ZNF728: variants seen among roughly 807,000 people sequenced by gnomAD.
ZNF728 encodes zinc finger protein 728.
In ZNF728, 12 loss-of-function variants were observed where a neutral mutation model predicts 12.5. The ratio of observed to expected loss-of-function variants is 0.96; its 90% confidence interval spans 0.61 to 1.55. ZNF728 has a LOEUF of 1.55. Among genes scored for constraint, ZNF728 ranks in the 40% most tolerant of loss-of-function variants. ZNF728 has a pLI of 0.00. For missense variants in ZNF728, 692 were observed against 719.2 expected (o/e 0.96, Z 0.43); for synonymous variants, 205 against 240.7 (o/e 0.85, Z 1.37).
intron 3 of ZNF728, among the ~76,000 whole-genome samples, chr19:22,978,124 A>G (rs1405586988): frequency 1.3e-5 from 2 of 152,026 alleles, no homozygotes; most frequent in Non-Finnish European, 2.9e-5. Flanking sequence ...GATACACACA[A>G]ATACATTTAT....
At chr19:23,001,768 T>C in intron 1 of ZNF728, among the ~76,000 whole-genome samples, 1 of 152,326 alleles carries the variant, frequency 6.6e-6, no homozygotes, top group African/African-American at 2.4e-5. Context: ...AAATGTACAC[T>C]AAACTATTTG....
chr19:22,993,504 T>A (rs774079793), intron 1 of ZNF728, among the ~76,000 whole-genome samples: 2 of 152,212 alleles, frequency 1.3e-5, no homozygotes, highest in African/African-American at 2.4e-5. Context: ...AAGCAGACAG[T>A]TTATTTGGGT....
chr19:22,986,404 A>G (rs1432112450), intron 3 of ZNF728, among the ~76,000 whole-genome samples: 2 of 147,664 alleles, frequency 1.4e-5, no homozygotes, highest in African/African-American at 2.7e-5. Context: ...CTTTTAAAAT[A>G]CACTCAGTAA....
chr19:22,976,067 A>G lies in ZNF728; in HGVS notation c.1270T>C (p.Tyr424His), dbSNP rs141129615. The change falls in exon 4 of 4, where the codon TAC becomes CAC. Residue 424 changes from tyrosine (Y) to histidine (H), a missense_variant. Around this residue, in one of 3 missense-constraint regions of ZNF728, gnomAD observed 244 missense variants for 235.2 expected, o/e 1.04. Transcript: ENST00000594710. ...GCTTTGCCACATTCTTCACATTTGT[A>G]GGGTTTCTCTCCAGTATGAATTATC... Reference protein sequence around the residue: ...HKIIHTGEKPYKCEECGKAFT... With the variant: ...HKIIHTGEKPHKCEECGKAFT... 1.1e-3 allele frequency: 1,688 copies of G among 1,606,222 alleles called. 20 individuals carry two copies. The African/African-American group carries it at 0.019, about 19-fold the overall frequency.
In ZNF728 at chr19:22,976,686, A is replaced by G. The variant is rs1568273804; in HGVS notation, c.651T>C (p.Thr217=). ...GKAFNWSSAL[T]YKRIHTGEKP... is the part of the protein sequence containing the mutation. ...TCTCTCCAGTATGAATTCTCTTATA[A>G]GTAAGGGCTGAGGACCAGTTAAAGG... Residue 217 remains threonine, a synonymous_variant, in exon 4 of 4, where the codon ACT becomes ACC. Coordinates refer to ENST00000594710, the MANE Select transcript of ZNF728 (RefSeq NM_001267716.2). The G allele has an allele frequency of 6.2e-7, 1 of 1,612,990 alleles. No homozygotes were observed. Among genetic ancestry groups the G allele is most frequent in the Non-Finnish European group, 8.5e-7 (1 of 1,179,780 alleles).
At chr19:22,984,423 G>C (rs1355808864) in intron 3 of ZNF728, among the ~76,000 whole-genome samples, 1 of 151,816 alleles carries the variant, frequency 6.6e-6, no homozygotes, top group Non-Finnish European at 1.5e-5. Context: ...GCCAGGCTTG[G>C]TGGCATGCAC....
intron 3 of ZNF728, among the ~76,000 whole-genome samples, chr19:22,983,413 G>A (rs2145337834): frequency 6.6e-6 from 1 of 152,300 alleles, no homozygotes; most frequent in South Asian, 2.1e-4. Flanking sequence ...TGGTGGGAGT[G>A]TAAATTAGTT....
rs1313474068 is a variant in ZNF728, at chr19:22,976,035, A to G, written c.1302T>C (p.Thr434=). 2 of 1,588,762 alleles carry G rather than the reference A, an allele frequency of 1.3e-6. No homozygotes were observed. The highest frequency in any genetic ancestry group is 1.7e-6 in the Non-Finnish European group (2 of 1,164,448). The change falls in exon 4 of 4, where the codon ACT becomes ACC. Residue 434 remains threonine, a synonymous_variant. Coordinates refer to ENST00000594710, the MANE Select transcript of ZNF728 (RefSeq NM_001267716.2). The part of the protein sequence containing the change: ...YKCEECGKAF[T]TFSSLTKHKV... ...TATGTTTAGTAAGGCTCGAAAATGT[A>G]GTAAAGGCTTTGCCACATTCTTCAC...
intron 3 of ZNF728, among the ~76,000 whole-genome samples, chr19:22,985,245 C>T (rs1363130153): frequency 1.3e-5 from 2 of 152,094 alleles, no homozygotes; most frequent in East Asian, 1.9e-4. Context: ...AGCATTTACA[C>T]TCTTAGAAGC....
rs190853711 is a variant in ZNF728, at chr19:22,976,436, C to T, written c.901G>A (p.Ala301Thr). 3.0e-3 allele frequency: 4,847 copies of T among 1,609,880 alleles called. 7 individuals are homozygous for T. The highest frequency in any genetic ancestry group is 3.4e-3 in the Non-Finnish European group (3,980 of 1,179,038). Residue 301 changes from alanine to threonine, a missense_variant, in exon 4 of 4, where the codon GCA (alanine) becomes ACA (threonine). Transcript: ENST00000594710. ...TCTCCAGCATGAATTGTCTTATGTG[C>T]AGTAAGGGTTGAGGCCTTACTAAAG... ...KAFSKASTLTAHKTIHAGEKP... is the reference protein window; with the variant it reads ...KAFSKASTLTTHKTIHAGEKP...
At chr19:22,997,336 T>C (rs1329304855) in intron 1 of ZNF728, among the ~76,000 whole-genome samples, 1 of 152,034 alleles carries the variant, frequency 6.6e-6, no homozygotes, top group Non-Finnish European at 1.5e-5. Context: ...AAAATATAAT[T>C]CAATACCAAT....
chr19:23,000,887 C>CA lies in ZNF728; in HGVS notation c.3+2140dup, dbSNP rs150522126. Among the ~76,000 whole-genome samples the CA allele has an allele frequency of 2.9e-3, 363 of 125,278 alleles. 4 individuals are homozygous for CA. In the East Asian group the frequency reaches 0.029, roughly 10 times the overall value. The allele number at this position is 125,278 out of a possible 152,430, so 82.2% of individuals were successfully genotyped here. On this transcript the variant is annotated intron_variant, in intron 1 of 3. Coordinates refer to ENST00000594710, the MANE Select transcript of ZNF728 (RefSeq NM_001267716.2). ...TGTCAAAAAAAAAAAAAAAAAAAAC[C>CA]AAAAAAAAAAAAACCCTGAGGTCAA...
chr19:22,977,177 A>G, intron 3 of ZNF728, 67 bp from the exon 4 acceptor site: 1 of 1,388,044 alleles, frequency 7.2e-7, no homozygotes, highest in Non-Finnish European at 9.5e-7. Context: ...AATTTAACCT[A>G]TAAAATTATT....
rs771299298 is a variant in ZNF728, at chr19:23,003,064, G to C, written c.-34C>G. 5 of 1,574,820 alleles carry C rather than the reference G, an allele frequency of 3.2e-6. No individual in the cohort carries two copies. The Admixed American group carries it at 8.8e-5, about 28-fold the overall frequency. ...TTCCGGGGGTCCTGGCGACTTAGTTGTGAATCTCCCAATACCTGCAGGTCA... is the reference window on the plus strand; with the variant it reads ...TTCCGGGGGTCCTGGCGACTTAGTTCTGAATCTCCCAATACCTGCAGGTCA... On this transcript the variant is annotated 5_prime_UTR_variant, in exon 1 of 4. Transcript: ENST00000594710.
At chr19:22,982,293 G>A (rs1968868318) in intron 3 of ZNF728, among the ~76,000 whole-genome samples, 1 of 152,028 alleles carries the variant, frequency 6.6e-6, no homozygotes. Flanking sequence ...AAATACCTAG[G>A]AATACAACTT....
chr19:22,975,082 T>C lies in ZNF728; in HGVS notation c.*386A>G, dbSNP rs899687900. Among the ~76,000 whole-genome samples, 5 of 152,254 alleles carry C rather than the reference T, an allele frequency of 3.3e-5. No homozygotes were observed. Among genetic ancestry groups the C allele is most frequent in the South Asian group, 2.1e-4 (1 of 4,836 alleles). Reference sequence around the variant, plus strand: ...TCTAGGATTTCTCACCAGTATGATTTCTTTTATATTCAGAAAAGTTTCAGG... The same window carrying C: ...TCTAGGATTTCTCACCAGTATGATTCCTTTTATATTCAGAAAAGTTTCAGG... On this transcript the variant is annotated 3_prime_UTR_variant, in exon 4 of 4. Transcript: ENST00000594710.
chr19:22,990,625 T>C (rs1968977099), intron 1 of ZNF728, among the ~76,000 whole-genome samples: 1 of 151,720 alleles, frequency 6.6e-6, no homozygotes, highest in South Asian at 2.1e-4. Context: ...AACAGGTTCT[T>C]GGACCACCCT....
intron 1 of ZNF728, among the ~76,000 whole-genome samples, chr19:22,993,021 ATAC>A (rs1969007197): frequency 6.6e-6 from 1 of 152,204 alleles, no homozygotes; most frequent in Admixed American, 6.5e-5. Flanking sequence ...AAGGACAAGA[ATAC>A]TTTACTCCAG....
chr19:23,002,256 A>C (rs1969121161), intron 1 of ZNF728, among the ~76,000 whole-genome samples: 1 of 152,254 alleles, frequency 6.6e-6, no homozygotes, highest in Non-Finnish European at 1.5e-5. Flanking sequence ...CGGAGATTGC[A>C]GTGAGCCCAG....
Sources: gnomAD v4.1 joint callset for allele counts (sites outside exome capture counted in the v4.1 genomes callset) on GRCh38, gnomAD v4.1.1 for gene constraint, gnomAD v4.1.1 regional missense constraint, MANE v1.5 for transcripts, NCBI Gene and HGNC (gene_info 2026-07-23, HGNC 2026-07-21) for gene names.